The following SPATA6L variants were observed in gnomAD, a reference collection of about 807,000 sequenced individuals.
The protein encoded by SPATA6L is spermatogenesis associated 6 like.
In SPATA6L, 68 loss-of-function variants were observed where a neutral mutation model predicts 49.2. The ratio of observed to expected loss-of-function variants is 1.38; its 90% CI spans 1.14 to 1.69. The LOEUF (loss-of-function observed/expected upper bound fraction) is 1.69. Among genes scored for constraint, SPATA6L ranks in the 40% most tolerant of loss-of-function variants. The pLI is 0.00. For synonymous variants in SPATA6L, 198 were observed against 165.7 expected (o/e 1.19, Z -1.50); for missense variants, 668 against 464.3 (o/e 1.44, Z -4.03).
chr9:4,602,764 T>C (rs564743973), intron 11 of SPATA6L, among the ~76,000 whole-genome samples: 28 of 152,230 alleles, frequency 1.8e-4, no homozygotes, highest in Middle Eastern at 3.4e-3. Flanking sequence ...GAAAATGCAA[T>C]AGAATGTAGT....
intron 6 of SPATA6L, 35 bp from the exon 7 acceptor site, chr9:4,622,545 A>C (rs1402056650): frequency 3.5e-6 from 5 of 1,434,374 alleles, no homozygotes; most frequent in East Asian, 4.5e-5. Context: ...ACTAGAATCC[A>C]CTATAGCTTC....
chr9:4,616,648 C>T (rs373889240), intron 9 of SPATA6L, among the ~76,000 whole-genome samples: 13 of 152,314 alleles, frequency 8.5e-5, no homozygotes, highest in South Asian at 2.1e-4. Flanking sequence ...TGCAATGGCA[C>T]GATCTCAGCT....
At chr9:4,649,062 TACACACACACACAC>T (rs55949521) in intron 3 of SPATA6L, among the ~76,000 whole-genome samples, 22 of 150,160 alleles carry the variant, frequency 1.5e-4, no homozygotes, top group South Asian at 4.2e-4. Flanking sequence ...TATAGAAATA[TACACACACACACAC>T]ACACACACAC....
chr9:4,616,819 A>G (rs1456522126), intron 9 of SPATA6L, among the ~76,000 whole-genome samples: 1 of 152,206 alleles, frequency 6.6e-6, no homozygotes, highest in Non-Finnish European at 1.5e-5. Flanking sequence ...TCCAGACCTC[A>G]GGTGATCCAC....
At chr9:4,654,739 T>C (rs559792109) in intron 3 of SPATA6L, among the ~76,000 whole-genome samples, 1 of 152,310 alleles carries the variant, frequency 6.6e-6, no homozygotes, top group East Asian at 1.9e-4. Flanking sequence ...CGTGTCGTTC[T>C]GCCAGTGCCA....
Position 4,602,563 on chromosome 9 carries a change from C to T in SPATA6L, c.*1+1616G>A, listed in dbSNP as rs1005712000. Among the ~76,000 whole-genome samples, 4 of 152,208 alleles carry T rather than the reference C, an allele frequency of 2.6e-5. No individual in the cohort carries two copies. In the East Asian group the frequency reaches 7.7e-4, roughly 29 times the overall value. On this transcript the variant is annotated intron_variant, in intron 11 of 11. Coordinates refer to ENST00000682582, the MANE Select transcript of SPATA6L (RefSeq NM_001353486.2). ...TGAAAACTTAGCAGGTCATCCCACA[C>T]TCCTTTATTGTTTAGAAAGACGCAT...
chr9:4,642,437 G>A (rs560331757), intron 3 of SPATA6L, among the ~76,000 whole-genome samples: 1 of 152,310 alleles, frequency 6.6e-6, no homozygotes, highest in East Asian at 1.9e-4. Flanking sequence ...TACCTATGAA[G>A]GTAATGACAT....
rs541888287 is a variant in SPATA6L, at chr9:4,645,077, G to A, written c.227-9678C>T. 1.3e-4 allele frequency among the ~76,000 whole-genome samples: 20 copies of A among 152,236 alleles called. No individual in the cohort carries two copies. In the East Asian group the frequency reaches 2.7e-3, roughly 21 times the overall value. The stretch of plus-strand genomic sequence containing the variant: ...AAAAAGACCTGTATTTATGAATAAC[G>A]AAATTTGAATTTCATATAATTTTCA... On this transcript the variant is annotated intron_variant, in intron 3 of 11. Coordinates refer to ENST00000682582, the MANE Select transcript of SPATA6L (RefSeq NM_001353486.2).
chr9:4,601,202 C>A (rs1323573800), intron 11 of SPATA6L, among the ~76,000 whole-genome samples: 5 of 152,026 alleles, frequency 3.3e-5, no homozygotes, highest in African/African-American at 9.7e-5. Flanking sequence ...CCTCCTTCCT[C>A]CCTTCCTTCC....
intron 6 of SPATA6L, 49 bp from the exon 7 acceptor site, chr9:4,622,559 T>A: frequency 7.9e-7 from 1 of 1,266,118 alleles, no homozygotes; most frequent in Non-Finnish European, 1.1e-6. Flanking sequence ...TAGCTTCTAG[T>A]ACCCTCCCCT....
Position 4,617,823 on chromosome 9 carries a change from T to C in SPATA6L, c.995+100A>G, listed in dbSNP as rs570583981. ...TTTTTCATATCAAGGTGTCACCAGC[T>C]GAATATTCCTAAGAAAGGAAGCTGG... On this transcript the variant is annotated intron_variant, in intron 9 of 11. Coordinates refer to ENST00000682582, the MANE Select transcript of SPATA6L (RefSeq NM_001353486.2). 9.8e-6 allele frequency: 10 copies of C among 1,018,856 alleles called. No individual in the cohort carries two copies. The East Asian group carries it at 2.3e-4, about 24-fold the overall frequency. 63.1% of individuals were successfully genotyped at this position (1,018,856 alleles called of 1,614,324 possible). A position where few individuals can be genotyped will look rare whatever the true frequency, so the allele number is the denominator to read the frequency against.
intron 9 of SPATA6L, among the ~76,000 whole-genome samples, chr9:4,612,180 G>A (rs1023210672): frequency 1.3e-5 from 2 of 151,880 alleles, no homozygotes; most frequent in Non-Finnish European, 2.9e-5. Context: ...TCCCCATGCT[G>A]TCCAGGCTGG....
chr9:4,638,950 C>A (rs1039158052), intron 3 of SPATA6L, among the ~76,000 whole-genome samples: 15 of 151,998 alleles, frequency 9.9e-5, no homozygotes, highest in Non-Finnish European at 1.0e-4. Flanking sequence ...AATTCAAGTT[C>A]TAGGGTCAGG....
chr9:4,591,810 A>G (rs1821918324), intron 13 of SPATA6L, among the ~76,000 whole-genome samples: 1 of 152,164 alleles, frequency 6.6e-6, no homozygotes, highest in Admixed American at 6.5e-5. Flanking sequence ...TTTTCTCACC[A>G]CTGTGAAAAT....
intron 10 of SPATA6L, 89 bp downstream of exon 10, chr9:4,605,258 G>C (rs1180958953): frequency 1.0e-6 from 1 of 980,082 alleles, no homozygotes; most frequent in Non-Finnish European, 1.6e-6. Flanking sequence ...GTGGTTATTT[G>C]ATTAATGTCT....
intron 3 of SPATA6L, among the ~76,000 whole-genome samples, chr9:4,647,424 T>C (rs1835659284): frequency 6.6e-6 from 1 of 152,024 alleles, no homozygotes; most frequent in South Asian, 2.1e-4. Context: ...AAACCCCGTG[T>C]CTACTAAAAA....
At chr9:4,594,610 G>T (rs1185402835), downstream of SPATA6L, among the ~76,000 whole-genome samples, 1 of 152,116 alleles carries the variant, frequency 6.6e-6, no homozygotes, top group Non-Finnish European at 1.5e-5. Flanking sequence ...AGGTTGCAAG[G>T]CAGGTCTATA....
intron 3 of SPATA6L, among the ~76,000 whole-genome samples, chr9:4,653,756 C>A (rs890450140): frequency 6.6e-6 from 1 of 152,060 alleles, no homozygotes; most frequent in Admixed American, 6.6e-5. Context: ...TAGTGGCATC[C>A]TGTCTCTACA....
rs1438618515 is a variant in SPATA6L, at chr9:4,644,685, T to TCTCA, written c.227-9287_227-9286insTGAG. On this transcript the variant is annotated intron_variant, in intron 3 of 11. Coordinates refer to ENST00000682582, the MANE Select transcript of SPATA6L (RefSeq NM_001353486.2). ...CTCTCTCTCTCTCTCTCTCTCTCTCTCACACACACACACACACACACACAC... is the reference window on the plus strand; with the variant it reads ...CTCTCTCTCTCTCTCTCTCTCTCTCTCTCACACACACACACACACACACACACAC... Among the ~76,000 whole-genome samples, 112 of 107,746 alleles carry TCTCA rather than the reference T, an allele frequency of 1.0e-3. 1 individual carries two copies. The highest frequency in any genetic ancestry group is 3.2e-3 in the African/African-American group (83 of 26,144). 70.7% of individuals were successfully genotyped at this position (107,746 alleles called of 152,430 possible).
Sources: allele counts gnomAD v4.1 joint callset (sites outside exome capture counted in the v4.1 genomes callset), GRCh38; gene constraint gnomAD v4.1.1; transcripts MANE v1.5; gene names NCBI Gene and HGNC (gene_info 2026-07-23, HGNC 2026-07-21).